The following NEXN variants were observed in gnomAD, a reference collection of about 807,000 sequenced individuals.
NEXN encodes the protein nexilin F-actin binding protein.
Under a neutral mutation model 92.6 loss-of-function variants are expected in NEXN, and 65 were observed. The observed-to-expected ratio is 0.70, with a 90% CI of 0.57 to 0.86. The LOEUF (loss-of-function observed/expected upper bound fraction) is 0.86. Ranked by LOEUF, NEXN falls within the 40% of genes least tolerant of loss-of-function variation. The pLI is 0.00. For missense variants in NEXN, 778 were observed against 771.1 expected (o/e 1.01, Z -0.11); for synonymous variants, 254 against 242.5 (o/e 1.05, Z -0.44).
chr1:77,939,256 G>A (rs12404652), intron 11 of NEXN, among the ~76,000 whole-genome samples: 3,931 of 152,274 alleles, frequency 0.026, 161 homozygotes, highest in Admixed American at 0.12. Flanking sequence ...GAGTTGGGGT[G>A]AATAGTTTTG....
At chr1:77,894,486 G>GC (rs1428110093) in intron 1 of NEXN, among the ~76,000 whole-genome samples, 1 of 151,646 alleles carries the variant, frequency 6.6e-6, no homozygotes, top group Non-Finnish European at 1.5e-5. Context: ...TTTCACCCAG[G>GC]CTAGAGTGCA....
At chr1:77,927,247 C>T (rs2102126529) in intron 8 of NEXN, among the ~76,000 whole-genome samples, 1 of 151,984 alleles carries the variant, frequency 6.6e-6, no homozygotes, top group Non-Finnish European at 1.5e-5. Context: ...TGCACTCCAG[C>T]CTGGGTAACA....
At chr1:77,912,320 C>T in intron 1 of NEXN, among the ~76,000 whole-genome samples, 1 of 152,230 alleles carries the variant, frequency 6.6e-6, no homozygotes, top group East Asian at 1.9e-4. Flanking sequence ...ATGGGGGGGA[C>T]ATACTGTGTT....
intron 11 of NEXN, among the ~76,000 whole-genome samples, chr1:77,937,376 C>G (rs1395860921): frequency 2.0e-5 from 3 of 151,280 alleles, no homozygotes; most frequent in Non-Finnish European, 2.9e-5. Context: ...GCTATATGGT[C>G]TTAGATACAT....
In NEXN at chr1:77,929,189, A is replaced by C. The variant is rs1650095078; in HGVS notation, c.865-127A>C. ...AAGACATTAAAAAGGAAGGGGATTT[A>C]GGTCAAGTATATTAAGGGCATTGAA... On this transcript the variant is annotated intron_variant, in intron 8 of 12. Coordinates refer to ENST00000334785, the MANE Select transcript of NEXN (RefSeq NM_144573.4). 12 of 649,296 alleles carry C rather than the reference A, an allele frequency of 1.8e-5. 1 individual carries two copies. In the South Asian group the frequency reaches 2.3e-4, roughly 12 times the overall value. 40.2% of individuals were successfully genotyped at this position (649,296 alleles called of 1,614,324 possible).
intron 7 of NEXN, 25 bp from the exon 8 acceptor site, chr1:77,926,691 G>T: frequency 6.2e-7 from 1 of 1,613,734 alleles, no homozygotes. Context: ...TGACTAAAAG[G>T]TGGGTTTTCA....
intron 5 of NEXN, among the ~76,000 whole-genome samples, chr1:77,923,463 T>A (rs1417103380): frequency 1.3e-5 from 2 of 152,116 alleles, no homozygotes; most frequent in African/African-American, 4.8e-5. Context: ...TTCATTGGTT[T>A]TAAAAGTCAA....
chr1:77,925,315 A>G (rs1649760151), intron 6 of NEXN, 86 bp downstream of exon 6: 3 of 917,030 alleles, frequency 3.3e-6, no homozygotes, highest in Non-Finnish European at 5.2e-6. Flanking sequence ...AAACTAAAAG[A>G]GCTTTTATTA....
At chr1:77,916,670 A>G (rs1649000789) in intron 2 of NEXN, among the ~76,000 whole-genome samples, 1 of 152,198 alleles carries the variant, frequency 6.6e-6, no homozygotes, top group Admixed American at 6.5e-5. Context: ...ATAAAATACA[A>G]GTTGGATGTG....
chr1:77,895,895 G>C (rs1647228676), intron 1 of NEXN, among the ~76,000 whole-genome samples: 1 of 151,884 alleles, frequency 6.6e-6, no homozygotes, highest in Non-Finnish European at 1.5e-5. Flanking sequence ...TGACAGCCTG[G>C]TTGGGCACAG....
chr1:77,926,384 A>T, intron 6 of NEXN, 30 bp from the exon 7 acceptor site: 1 of 1,508,954 alleles, frequency 6.6e-7, no homozygotes, highest in East Asian at 2.3e-5. Flanking sequence ...ATTAAGAAGA[A>T]ATAGGCTAAT....
chr1:77,918,380 T>C, intron 5 of NEXN, 107 bp downstream of exon 5: 1 of 1,309,194 alleles, frequency 7.6e-7, no homozygotes, highest in South Asian at 1.2e-5. Context: ...ATAAACCTAT[T>C]AAAAAGCAGC....
rs1649751954 is a variant in NEXN, at chr1:77,925,205, T to C, written c.465T>C (p.Asn155=). The C allele has an allele frequency of 1.3e-6, 2 of 1,598,372 alleles. No individual in the cohort carries two copies. Residue 155 remains asparagine, a synonymous_variant, in exon 6 of 13, where the codon AAT becomes AAC. Coordinates refer to ENST00000334785, the MANE Select transcript of NEXN (RefSeq NM_144573.4). The stretch of plus-strand genomic sequence containing the variant: ...TTCAATAGATTGAGGACATAAACAA[T>C]ACGGGAACTGAATCAGCATCAGAGG... ...KRAEQIEDIN[N]TGTESASEEG...
intron 5 of NEXN, among the ~76,000 whole-genome samples, chr1:77,920,929 A>T (rs1006952491): frequency 5.3e-5 from 8 of 152,176 alleles, no homozygotes. Flanking sequence ...TCTGAAAGTC[A>T]ACACTATACC....
chr1:77,889,127 C>T (rs1044815667), intron 1 of NEXN: 2 of 152,558 alleles, frequency 1.3e-5, no homozygotes, highest in Admixed American at 6.5e-5. Flanking sequence ...AGGGAGCCCT[C>T]TGTGAGCGGA....
chr1:77,917,919 T>G (rs770355625), intron 3 of NEXN, 41 bp from the exon 4 acceptor site: 24 of 1,549,966 alleles, frequency 1.5e-5, no homozygotes, highest in Non-Finnish European at 1.8e-5. Flanking sequence ...TTTAGTCTAA[T>G]TTTTGGACAT....
intron 10 of NEXN, among the ~76,000 whole-genome samples, chr1:77,933,858 T>C (rs2102148560): frequency 6.6e-6 from 1 of 152,280 alleles, no homozygotes; most frequent in South Asian, 2.1e-4. Context: ...CATTTGGGGT[T>C]TAATGCTGAG....
At chr1:77,899,666 A>T (rs193272013) in intron 1 of NEXN, among the ~76,000 whole-genome samples, 138 of 151,980 alleles carry the variant, frequency 9.1e-4, no homozygotes, top group Admixed American at 2.4e-3. Flanking sequence ...AATAAAATAA[A>T]AAAATAAAAA....
intron 1 of NEXN, among the ~76,000 whole-genome samples, chr1:77,908,696 G>A (rs1203742155): frequency 6.6e-6 from 1 of 152,110 alleles, no homozygotes; most frequent in African/African-American, 2.4e-5. Flanking sequence ...CACCACAATT[G>A]TGTAAGTAAT....
Sources: allele counts gnomAD v4.1 joint callset (sites outside exome capture counted in the v4.1 genomes callset), GRCh38; gene constraint gnomAD v4.1.1; transcripts MANE v1.5; gene names NCBI Gene and HGNC (gene_info 2026-07-23, HGNC 2026-07-21).